Variants in HDAC9 observed in about 807,000 individuals in gnomAD.
The protein encoded by HDAC9 is histone deacetylase 9, also known as MEF-2 interacting transcription repressor (MITR) protein.
In HDAC9, 41 loss-of-function variants were observed where a neutral mutation model predicts 139.4. The ratio of observed to expected loss-of-function variants is 0.29; its 90% CI spans 0.23 to 0.38. The LOEUF is 0.38. Among genes scored for constraint, HDAC9 ranks in the 10% least tolerant of loss-of-function variants. The pLI is 1.00. For missense variants in HDAC9, 1,147 were observed against 1,297.0 expected (o/e 0.88, Z 1.78); for synonymous variants, 517 against 476.2 (o/e 1.09, Z -1.12).
chr7:18,330,845 G>T (rs774340924), intron 1 of HDAC9, among the ~76,000 whole-genome samples: 1 of 151,678 alleles, frequency 6.6e-6, no homozygotes, highest in Non-Finnish European at 1.5e-5. Context: ...GCAAATTGGA[G>T]CATGTAGGAA....
intron 1 of HDAC9, among the ~76,000 whole-genome samples, chr7:18,393,567 C>A (rs1450463215): frequency 6.6e-6 from 1 of 152,026 alleles, no homozygotes; most frequent in African/African-American, 2.4e-5. Context: ...GCATGTAGAA[C>A]TGTGAACAGA....
chr7:18,666,118 C>G lies in HDAC9; in HGVS notation c.1468-95C>G, dbSNP rs1794792251. On this transcript the variant is annotated intron_variant, in intron 11 of 25. Coordinates refer to ENST00000686413, the MANE Select transcript of HDAC9 (RefSeq NM_178425.4). ...AAATTTATGTTCAATGATTAGAAAT[C>G]ACAGTGTATGAGTTATTAGAAATCA... The G allele has an allele frequency of 6.3e-6, 8 of 1,265,582 alleles. 1 individual carries two copies. The highest frequency in any genetic ancestry group is 6.1e-5 in the South Asian group (4 of 65,110). 78.4% of individuals were successfully genotyped at this position (1,265,582 alleles called of 1,614,324 possible). A position where few individuals can be genotyped will look rare whatever the true frequency, so the allele number is the denominator to read the frequency against.
chr7:18,953,924 T>C (rs1782973993), intron 23 of HDAC9, among the ~76,000 whole-genome samples: 1 of 152,224 alleles, frequency 6.6e-6, no homozygotes, highest in Middle Eastern at 3.4e-3. Flanking sequence ...CTTCATAGAT[T>C]AGTCTTGTGA....
intron 2 of HDAC9, among the ~76,000 whole-genome samples, chr7:18,257,527 AT>A (rs2128204525): frequency 6.6e-6 from 1 of 152,266 alleles, no homozygotes; most frequent in South Asian, 2.1e-4. Flanking sequence ...GTATAAATAA[AT>A]GACCCACATA....
chr7:18,985,491 C>T (rs934013577), intron 25 of HDAC9, among the ~76,000 whole-genome samples: 1 of 152,060 alleles, frequency 6.6e-6, no homozygotes, highest in Non-Finnish European at 1.5e-5. Flanking sequence ...TGGGTTGGTT[C>T]CAAGTCTTTC....
chr7:18,360,718 G>A (rs972656047), intron 1 of HDAC9, among the ~76,000 whole-genome samples: 1 of 152,018 alleles, frequency 6.6e-6, no homozygotes, highest in African/African-American at 2.4e-5. Context: ...AAATTATTAT[G>A]TAGTACATTG....
intron 2 of HDAC9, among the ~76,000 whole-genome samples, chr7:18,550,290 C>T (rs1337837142): frequency 6.6e-6 from 1 of 152,148 alleles, no homozygotes; most frequent in African/African-American, 2.4e-5. Context: ...GTACTATATT[C>T]GATCCCATTT....
chr7:18,952,127 A>T (rs1782841997), intron 23 of HDAC9, among the ~76,000 whole-genome samples: 1 of 152,006 alleles, frequency 6.6e-6, no homozygotes, highest in Non-Finnish European at 1.5e-5. Flanking sequence ...TAAAACATGC[A>T]GGGAAATGGT....
chr7:18,323,484 CA>C (rs1800186904), intron 1 of HDAC9, among the ~76,000 whole-genome samples: 1 of 152,174 alleles, frequency 6.6e-6, no homozygotes, highest in Admixed American at 6.6e-5. Context: ...TCATGAAGCC[CA>C]AAGTCAGGGC....
At chr7:18,115,522 T>C (rs551788303) in intron 1 of HDAC9, among the ~76,000 whole-genome samples, 1 of 152,226 alleles carries the variant, frequency 6.6e-6, no homozygotes, top group Non-Finnish European at 1.5e-5. Context: ...TCTGAAAATG[T>C]AGTAGATTCC....
intron 1 of HDAC9, among the ~76,000 whole-genome samples, chr7:18,427,763 C>A (rs1187841640): frequency 6.6e-6 from 1 of 151,442 alleles, no homozygotes; most frequent in Non-Finnish European, 1.5e-5. Flanking sequence ...TGAGACCCAC[C>A]CTCTTAACAG....
At chr7:18,435,118 G>A (rs1293874679) in intron 1 of HDAC9, among the ~76,000 whole-genome samples, 1 of 146,572 alleles carries the variant, frequency 6.8e-6, no homozygotes, top group Non-Finnish European at 1.5e-5. Context: ...CATGGATGGA[G>A]CTAGAGGCCA....
At chr7:18,526,318 G>A (rs1221698218) in intron 2 of HDAC9, among the ~76,000 whole-genome samples, 1 of 152,130 alleles carries the variant, frequency 6.6e-6, no homozygotes, top group African/African-American at 2.4e-5. Context: ...GAAGCATGCT[G>A]TGAACACTGC....
chr7:18,605,219 T>C (rs1835122340), intron 6 of HDAC9, among the ~76,000 whole-genome samples: 1 of 152,198 alleles, frequency 6.6e-6, no homozygotes, highest in South Asian at 2.1e-4. Context: ...TTCACTGTTA[T>C]AATACAGAAC....
intron 2 of HDAC9, among the ~76,000 whole-genome samples, chr7:18,499,080 A>ATG (rs55670527): frequency 1.5e-4 from 23 of 150,144 alleles, no homozygotes; most frequent in South Asian, 1.1e-3. Flanking sequence ...TAGGGTGTGT[A>ATG]TGTGTGTGTG....
At chr7:18,836,091 T>A (rs139464807) in intron 21 of HDAC9, 94 bp downstream of exon 21, 3 of 664,036 alleles carry the variant, frequency 4.5e-6, no homozygotes, top group African/African-American at 1.8e-5. Flanking sequence ...AATGTCTAAT[T>A]AAGGTAAATT....
chr7:18,387,855 A>C (rs919201590), intron 1 of HDAC9, among the ~76,000 whole-genome samples: 1 of 152,110 alleles, frequency 6.6e-6, no homozygotes, highest in African/African-American at 2.4e-5. Flanking sequence ...TAAAGCAATA[A>C]ATTTTATTAT....
chr7:18,155,276 C>T (rs9942632), intron 1 of HDAC9, among the ~76,000 whole-genome samples: 1 of 151,778 alleles, frequency 6.6e-6, no homozygotes, highest in East Asian at 1.9e-4. Flanking sequence ...AAAATCAGTG[C>T]AGTAAGACTT....
rs544819863 is a variant in HDAC9, at chr7:18,355,360, A to G, written c.-42+64845A>G. On this transcript the variant is annotated intron_variant, in intron 1 of 3. Transcript: ENST00000413509. ...GGGTTCTTGGGAATCTTCATTTTCA[A>G]CATAGGCTCTTTATACTACCAGAAC... 6.6e-5 allele frequency among the ~76,000 whole-genome samples: 10 copies of G among 152,248 alleles called. No homozygotes were observed. The East Asian group carries it at 1.9e-3, about 29-fold the overall frequency.
Sources: gnomAD v4.1 joint callset for allele counts (sites outside exome capture counted in the v4.1 genomes callset) on GRCh38, gnomAD v4.1.1 for gene constraint, MANE v1.5 for transcripts, NCBI Gene and HGNC (gene_info 2026-07-23, HGNC 2026-07-21) for gene names.